The following SNX29 variants were observed in gnomAD, a reference collection of about 807,000 sequenced individuals.
SNX29 encodes the protein sorting nexin 29.
SNX29 carries 78 observed loss-of-function variants against 102.1 expected under a neutral mutation model. That is an observed-to-expected ratio of 0.76 (90% CI 0.64 to 0.92). The LOEUF (loss-of-function observed/expected upper bound fraction) is 0.92, where lower values mean the gene tolerates loss of function less well. Ranked by LOEUF, SNX29 falls within the 40% of genes least tolerant of loss-of-function variation. The probability of loss-of-function intolerance (pLI) is 0.00; values close to 1 mark genes in which losing one functional copy is unlikely to be tolerated. For missense variants in SNX29, 1,280 were observed against 1,061.7 expected (o/e 1.21, Z -2.86); for synonymous variants, 580 against 414.5 (o/e 1.40, Z -4.85).
At chr16:12,066,902 C>A (rs192989571) in intron 9 of SNX29, among the ~76,000 whole-genome samples, 6 of 151,668 alleles carry the variant, frequency 4.0e-5, no homozygotes, top group Non-Finnish European at 8.8e-5. Flanking sequence ...ATGTAACATT[C>A]GGGAGTCTGA....
chr16:12,474,901 A>G (rs1361737715), intron 18 of SNX29, among the ~76,000 whole-genome samples: 1 of 152,190 alleles, frequency 6.6e-6, no homozygotes, highest in Admixed American at 6.5e-5. Flanking sequence ...AAGAAGGAGT[A>G]CGCCCACGTG....
chr16:12,227,371 G>T (rs541401140), intron 14 of SNX29, among the ~76,000 whole-genome samples: 1 of 152,170 alleles, frequency 6.6e-6, no homozygotes. Context: ...GTGGCTCCGC[G>T]GAAGATGGAT....
At chr16:12,528,571 G>A (rs553704119) in intron 20 of SNX29, among the ~76,000 whole-genome samples, 67 of 152,250 alleles carry the variant, frequency 4.4e-4, no homozygotes, top group African/African-American at 1.1e-3. Flanking sequence ...TGGATGCCCC[G>A]TGTCCACTGA....
intron 14 of SNX29, among the ~76,000 whole-genome samples, chr16:12,273,171 A>G (rs532234473): frequency 8.6e-5 from 13 of 152,028 alleles, no homozygotes; most frequent in African/African-American, 2.9e-4. Flanking sequence ...CTTGCACCCA[A>G]GGCAGTCTCT....
rs189492431 is a variant in SNX29, at chr16:12,356,486, G to C, written c.1899+207G>C. 9.5e-4 allele frequency among the ~76,000 whole-genome samples: 144 copies of C among 152,270 alleles called. 1 individual carries two copies. Among genetic ancestry groups the C allele is most frequent in the African/African-American group, 3.3e-3 (138 of 41,544 alleles). On this transcript the variant is annotated intron_variant, in intron 16 of 20. Coordinates refer to ENST00000566228, the MANE Select transcript of SNX29 (RefSeq NM_032167.5). ...AAGTTCTGTTGAAGCAACATTTCCT[G>C]TTTCTCCTTCTAGTCATCTATAGTT...
At chr16:12,405,653 A>T (rs1414748116) in intron 18 of SNX29, among the ~76,000 whole-genome samples, 1 of 152,242 alleles carries the variant, frequency 6.6e-6, no homozygotes, top group Admixed American at 6.5e-5. Context: ...CTTTATTGCC[A>T]TGTTTTTACT....
At chr16:12,263,689 ATGT>A (rs2078845212) in intron 14 of SNX29, among the ~76,000 whole-genome samples, 1 of 152,256 alleles carries the variant, frequency 6.6e-6, no homozygotes, top group Non-Finnish European at 1.5e-5. Context: ...TTATAAAGCC[ATGT>A]TAAATGTACC....
At chr16:12,177,477 G>A (rs1164703994) in intron 13 of SNX29, among the ~76,000 whole-genome samples, 3 of 152,178 alleles carry the variant, frequency 2.0e-5, no homozygotes, top group African/African-American at 7.2e-5. Flanking sequence ...GTCCCCACGT[G>A]TGTGTGTTTA....
intron 19 of SNX29, among the ~76,000 whole-genome samples, chr16:12,508,527 A>G (rs900886097): frequency 6.6e-6 from 1 of 152,162 alleles, no homozygotes; most frequent in African/African-American, 2.4e-5. Context: ...CTGATTTGAG[A>G]ATGGAGAGAT....
At chr16:12,265,866 G>C (rs2078913671) in intron 14 of SNX29, among the ~76,000 whole-genome samples, 1 of 151,992 alleles carries the variant, frequency 6.6e-6, no homozygotes, top group Non-Finnish European at 1.5e-5. Flanking sequence ...CTCCAGTCAG[G>C]GTGACAGTGA....
intron 19 of SNX29, among the ~76,000 whole-genome samples, chr16:12,506,034 C>G (rs1171132221): frequency 6.6e-6 from 1 of 152,036 alleles, no homozygotes; most frequent in Admixed American, 6.5e-5. Flanking sequence ...GATCTCGCCT[C>G]ACTGCAACCT....
chr16:12,042,787 A>AG, intron 4 of SNX29, 110 bp from the exon 5 acceptor site: 1 of 1,110,686 alleles, frequency 9.0e-7, no homozygotes, highest in East Asian at 2.5e-5. Flanking sequence ...TTCCATGCTA[A>AG]GGGGATACTC....
intron 18 of SNX29, among the ~76,000 whole-genome samples, chr16:12,454,043 G>C (rs578142249): frequency 1.0e-3 from 157 of 152,200 alleles, no homozygotes; most frequent in African/African-American, 3.6e-3. Context: ...AGCTTCCCTT[G>C]CAGCTACATA....
At chr16:12,410,980 T>G (rs1455773638) in intron 18 of SNX29, among the ~76,000 whole-genome samples, 1 of 152,166 alleles carries the variant, frequency 6.6e-6, no homozygotes, top group East Asian at 1.9e-4. Flanking sequence ...AGCTCTGTCT[T>G]TATGCTTGCT....
chr16:12,552,313 T>A (rs556712451), intron 20 of SNX29, among the ~76,000 whole-genome samples: 261 of 151,984 alleles, frequency 1.7e-3, no homozygotes, highest in African/African-American at 6.2e-3. Flanking sequence ...CTAGAAGAGG[T>A]GATAATGGAA....
chr16:12,454,632 G>A (rs1486981703), intron 18 of SNX29, among the ~76,000 whole-genome samples: 2 of 152,202 alleles, frequency 1.3e-5, no homozygotes, highest in Non-Finnish European at 2.9e-5. Context: ...ATCAGGCAGG[G>A]CCCTGCAAGC....
chr16:12,106,012 G>A (rs1448760674), intron 11 of SNX29, among the ~76,000 whole-genome samples: 1 of 152,126 alleles, frequency 6.6e-6, no homozygotes, highest in Non-Finnish European at 1.5e-5. Context: ...AGCCTCAGCC[G>A]TGGCTCCTCT....
intron 20 of SNX29, among the ~76,000 whole-genome samples, chr16:12,559,993 G>A (rs1355870960): frequency 6.6e-6 from 1 of 152,122 alleles, no homozygotes; most frequent in Non-Finnish European, 1.5e-5. Context: ...AAAAGATTTT[G>A]CAAGCAACTT....
intron 18 of SNX29, among the ~76,000 whole-genome samples, chr16:12,454,599 AAG>A (rs1174747774): frequency 2.6e-5 from 4 of 152,164 alleles, no homozygotes; most frequent in Non-Finnish European, 4.4e-5. Flanking sequence ...AAATAACCCG[AAG>A]AGAGAGGTGA....
Sources: allele counts gnomAD v4.1 joint callset (sites outside exome capture counted in the v4.1 genomes callset), GRCh38; gene constraint gnomAD v4.1.1; transcripts MANE v1.5; gene names NCBI Gene and HGNC (gene_info 2026-07-23, HGNC 2026-07-21).